The following IL1R1 variants were observed in gnomAD, a reference collection of about 807,000 sequenced individuals.
IL1R1 encodes interleukin-1 receptor type 1.
IL1R1 carries 22 observed loss-of-function variants against 50.2 expected under a neutral mutation model. That is an observed-to-expected ratio of 0.44 (90% CI 0.31 to 0.63). The LOEUF is 0.63. Among genes scored for constraint, IL1R1 ranks in the 20% least tolerant of loss-of-function variants. IL1R1 has a pLI of 0.07. For synonymous variants in IL1R1, 251 were observed against 236.7 expected (o/e 1.06, Z -0.55); for missense variants, 509 against 676.2 (o/e 0.75, Z 2.74).
intron 1 of IL1R1, among the ~76,000 whole-genome samples, chr2:102,095,624 C>A (rs930986293): frequency 6.6e-6 from 1 of 152,198 alleles, no homozygotes; most frequent in Admixed American, 6.5e-5. Flanking sequence ...TGCTTCCCCC[C>A]AGAAATAGCT....
intron 1 of IL1R1, among the ~76,000 whole-genome samples, chr2:102,071,701 T>G (rs1319520413): frequency 6.6e-6 from 1 of 152,216 alleles, no homozygotes; most frequent in Non-Finnish European, 1.5e-5. Flanking sequence ...GAAGATTCTT[T>G]CCCTTTATGG....
intron 3 of IL1R1, among the ~76,000 whole-genome samples, chr2:102,158,294 C>G (rs926074613): frequency 6.6e-6 from 1 of 152,136 alleles, no homozygotes; most frequent in African/African-American, 2.4e-5. Context: ...CACAGAAATA[C>G]CTGCCTGCAT....
chr2:102,072,076 G>A (rs998829166), intron 1 of IL1R1, among the ~76,000 whole-genome samples: 2 of 151,624 alleles, frequency 1.3e-5, no homozygotes, highest in Admixed American at 6.6e-5. Context: ...TGGCTGACAC[G>A]GCAAAACCCC....
chr2:102,076,413 G>A (rs977776928), intron 1 of IL1R1, among the ~76,000 whole-genome samples: 5 of 151,996 alleles, frequency 3.3e-5, no homozygotes, highest in African/African-American at 7.2e-5. Context: ...TCCTGACCTC[G>A]TGATCCACCC....
chr2:102,119,248 T>C (rs943769083), intron 1 of IL1R1, among the ~76,000 whole-genome samples: 3 of 152,184 alleles, frequency 2.0e-5, no homozygotes, highest in Non-Finnish European at 2.9e-5. Context: ...AGTTCTTTAT[T>C]GCACTTCAAA....
At chr2:102,101,786 A>C (rs1680155019), upstream of IL1R1, among the ~76,000 whole-genome samples, 2 of 152,226 alleles carry the variant, frequency 1.3e-5, no homozygotes, top group Admixed American at 6.5e-5. Flanking sequence ...GATAGTTTAA[A>C]TGTTAAAAGC....
rs1685845325 is a variant in IL1R1 at position 102,173,259 on chromosome 2, C to G, written c.991+421C>G. Among the ~76,000 whole-genome samples the G allele has an allele frequency of 2.6e-5, 4 of 152,304 alleles. No homozygotes were observed. In the South Asian group the frequency reaches 8.3e-4, roughly 32 times the overall value. Reference sequence around the variant, plus strand: ...TACATTGATGATGCATAGGGTAAGACTAAATATCCACTTTCAAAGAGGACA... The same window carrying G: ...TACATTGATGATGCATAGGGTAAGAGTAAATATCCACTTTCAAAGAGGACA... On this transcript the variant is annotated intron_variant, in intron 9 of 11. Transcript: ENST00000410023.
At chr2:102,165,923 A>C (rs764505703) in intron 5 of IL1R1, among the ~76,000 whole-genome samples, 190 bp from the exon 6 acceptor site, 8 of 152,214 alleles carry the variant, frequency 5.3e-5, no homozygotes, top group Non-Finnish European at 1.2e-4. Context: ...TTGAAAACTT[A>C]ATGTCATAGG....
chr2:102,168,017 G>C (rs542038656), intron 6 of IL1R1, among the ~76,000 whole-genome samples: 1 of 152,120 alleles, frequency 6.6e-6, no homozygotes, highest in South Asian at 2.1e-4. Context: ...GGAATACCGA[G>C]TGCTCAATTT....
At chr2:102,125,050 G>T (rs1223448942) in intron 1 of IL1R1, among the ~76,000 whole-genome samples, 1 of 152,222 alleles carries the variant, frequency 6.6e-6, no homozygotes. Flanking sequence ...TCCAAGATGA[G>T]ATTTGGGTGG....
intron 2 of IL1R1, among the ~76,000 whole-genome samples, chr2:102,157,132 C>T (rs964659759): frequency 2.0e-5 from 3 of 152,006 alleles, no homozygotes; most frequent in Admixed American, 6.6e-5. Flanking sequence ...TAGAAAGCCC[C>T]GACAAGGGGA....
intron 1 of IL1R1, among the ~76,000 whole-genome samples, chr2:102,088,104 A>G (rs548753692): frequency 2.3e-4 from 35 of 152,002 alleles, no homozygotes; most frequent in African/African-American, 7.2e-4. Context: ...CAACTTCTAA[A>G]CTCCTGTTAA....
chr2:102,097,463 C>T lies in IL1R1; in HGVS notation c.-84+26930C>T, dbSNP rs927507716. Among the ~76,000 whole-genome samples the T allele has an allele frequency of 4.6e-5, 7 of 152,218 alleles. No homozygotes were observed. In the South Asian group the frequency reaches 6.2e-4, roughly 14 times the overall value. ...TGCAATAATCTCTTAATTGCTAAAG[C>T]TTTGTAATAAGTTTTGATATCTGCT... On this transcript the variant is annotated intron_variant, in intron 1 of 11. Coordinates refer to the IL1R1 transcript ENST00000409929.
intron 1 of IL1R1, among the ~76,000 whole-genome samples, chr2:102,077,525 C>G (rs930574489): frequency 4.7e-4 from 71 of 152,152 alleles, no homozygotes; most frequent in African/African-American, 1.7e-3. Context: ...TTGATCTTTC[C>G]TCTAGCATCT....
At chr2:102,071,578 A>G (rs2104261142) in intron 1 of IL1R1, among the ~76,000 whole-genome samples, 1 of 152,334 alleles carries the variant, frequency 6.6e-6, no homozygotes, top group South Asian at 2.1e-4. Context: ...TAAATTTACC[A>G]TCTCATGTAA....
intron 1 of IL1R1, among the ~76,000 whole-genome samples, chr2:102,112,837 A>G (rs866540827): frequency 1.3e-5 from 2 of 152,098 alleles, no homozygotes; most frequent in Non-Finnish European, 2.9e-5. Context: ...CCCTAATTCC[A>G]GTGATGGTGT....
intron 3 of IL1R1, among the ~76,000 whole-genome samples, chr2:102,159,036 T>G (rs192235229): frequency 6.6e-6 from 1 of 152,276 alleles, no homozygotes; most frequent in Non-Finnish European, 1.5e-5. Context: ...AAGAATTATC[T>G]CAGGGAATTT....
chr2:102,159,434 C>T (rs1443912542), intron 3 of IL1R1, among the ~76,000 whole-genome samples: 1 of 152,130 alleles, frequency 6.6e-6, no homozygotes, highest in Non-Finnish European at 1.5e-5. Context: ...TGTGTATGAC[C>T]TCAGAGTCAT....
chr2:102,107,613 C>T (rs1179312577), intron 1 of IL1R1, among the ~76,000 whole-genome samples: 2 of 151,934 alleles, frequency 1.3e-5, no homozygotes, highest in East Asian at 3.9e-4. Context: ...GCATGTTGTG[C>T]ACATGTACCC....
Sources: gnomAD v4.1 joint callset for allele counts (sites outside exome capture counted in the v4.1 genomes callset) on GRCh38, gnomAD v4.1.1 for gene constraint, MANE v1.5 for transcripts, NCBI Gene and HGNC (gene_info 2026-07-23, HGNC 2026-07-21) for gene names.